WNT6: variants seen among roughly 807,000 people sequenced by gnomAD.
The protein encoded by WNT6 is Wnt family member 6.
In WNT6, 27 loss-of-function variants were observed where a neutral mutation model predicts 33.1. The ratio of observed to expected loss-of-function variants is 0.82; its 90% CI spans 0.60 to 1.12. The LOEUF (loss-of-function observed/expected upper bound fraction) is 1.12. Ranked by LOEUF, WNT6 falls within the 50% of genes most tolerant of loss-of-function variation. The pLI is 0.00. For missense variants in WNT6, 494 were observed against 535.3 expected (o/e 0.92, Z 0.76); for synonymous variants, 249 against 242.8 (o/e 1.03, Z -0.24).
chr2:218,871,038 G>A lies in WNT6; in HGVS notation c.92G>A (p.Ser31Asn). 1 of 1,608,950 alleles carries A rather than the reference G, an allele frequency of 6.2e-7. No homozygotes were observed. The highest frequency in any genetic ancestry group is 8.5e-7 in the Non-Finnish European group (1 of 1,176,388). ...HVGGLWWAVG[S>N]PLVMDPTSIC... ...TCTCTGCTTTCCAGGGCTGTGGGCAGCCCCTTGGTTATGGACCCTACCAGC... is the reference window on the plus strand; with the variant it reads ...TCTCTGCTTTCCAGGGCTGTGGGCAACCCCTTGGTTATGGACCCTACCAGC... The change falls in exon 2 of 4, where the codon AGC (serine) becomes AAC (asparagine). Residue 31 changes from serine (S) to asparagine (N), a missense_variant. Physicochemically the swap from Ser to Asn is conservative, Grantham distance 46. Coordinates refer to ENST00000233948, the MANE Select transcript of WNT6 (RefSeq NM_006522.4). The surrounding 1 kb of genome is among the most constrained non-coding windows in gnomAD (Gnocchi z 6.4).
intron 1 of WNT6, among the ~76,000 whole-genome samples, chr2:218,861,075 C>T (rs973518443): frequency 6.6e-6 from 1 of 152,220 alleles, no homozygotes; most frequent in Non-Finnish European, 1.5e-5. Context: ...AAGGCAGGGT[C>T]GTGTCTATTT....
At chr2:218,868,868 T>G (rs1944374929) in intron 1 of WNT6, among the ~76,000 whole-genome samples, 1 of 152,078 alleles carries the variant, frequency 6.6e-6, no homozygotes, top group Non-Finnish European at 1.5e-5. Flanking sequence ...AATAAGGCAG[T>G]CTTAATGCTC....
At chr2:218,862,515 T>C (rs1944318265) in intron 1 of WNT6, among the ~76,000 whole-genome samples, 1 of 151,772 alleles carries the variant, frequency 6.6e-6, no homozygotes, top group African/African-American at 2.4e-5. Context: ...CTGGCTAGTT[T>C]TTGAATTTTT....
Position 218,859,810 on chromosome 2 carries a change from C to T in WNT6, c.-228C>T, listed in dbSNP as rs1283937639. 6.7e-6 allele frequency: 1 copy of T among 149,646 alleles called. No homozygotes were observed. The highest frequency in any genetic ancestry group is 2.1e-4 in the East Asian group (1 of 4,768). 9.3% of individuals were successfully genotyped at this position (149,646 alleles called of 1,614,324 possible). A position where few individuals can be genotyped will look rare whatever the true frequency, so the allele number is the denominator to read the frequency against. The stretch of plus-strand genomic sequence containing the variant: ...TCCGCCCCCGGCTCTGATTTCTTCT[C>T]CCGAGCGAGCTCCGCAGGAGACACA... On this transcript the variant is annotated 5_prime_UTR_variant, in exon 1 of 4. Coordinates refer to ENST00000233948, the MANE Select transcript of WNT6 (RefSeq NM_006522.4).
intron 1 of WNT6, among the ~76,000 whole-genome samples, chr2:218,865,540 C>T (rs1324467749): frequency 6.6e-6 from 1 of 152,218 alleles, no homozygotes; most frequent in Non-Finnish European, 1.5e-5. Flanking sequence ...AGGTCACAGA[C>T]AGGCGGTGAG....
At chr2:218,860,426 G>C (rs1944297938) in intron 1 of WNT6, among the ~76,000 whole-genome samples, 1 of 152,214 alleles carries the variant, frequency 6.6e-6, no homozygotes, top group African/African-American at 2.4e-5. Flanking sequence ...AAAAGAATGT[G>C]TGAGGAGGGC....
intron 1 of WNT6, among the ~76,000 whole-genome samples, chr2:218,868,756 CAT>C (rs987413243): frequency 6.6e-6 from 1 of 152,140 alleles, no homozygotes; most frequent in African/African-American, 2.4e-5. Context: ...ACAGGTATTA[CAT>C]GTGACACAGA....
rs919028887 is a variant in WNT6, at chr2:218,873,243, C to A, written c.637-141C>A. 5.0e-6 allele frequency: 4 copies of A among 799,868 alleles called. No individual in the cohort carries two copies. In the African/African-American group the frequency reaches 5.3e-5, roughly 11 times the overall value. 49.5% of individuals were successfully genotyped at this position (799,868 alleles called of 1,614,324 possible). ...TTGTCCTTTCCTTGATTTCCTCCCC[C>A]TGAACTTGCGGTCTCCTTTTGTCTG... is the stretch of plus-strand genomic sequence containing the variant. On this transcript the variant is annotated intron_variant, in intron 3 of 3. Transcript: ENST00000233948. This position sits in a 1 kb window ranked among gnomAD's most constrained non-coding sequence, Gnocchi z 6.1.
rs1348287647 is a variant in WNT6, at chr2:218,871,633, C to T, written c.450C>T (p.Gly150=). 6.8e-7 allele frequency: 1 copy of T among 1,468,230 alleles called. No homozygotes were observed. The highest frequency in any genetic ancestry group is 9.0e-7 in the Non-Finnish European group (1 of 1,115,260). 91.0% of individuals were successfully genotyped at this position (1,468,230 alleles called of 1,614,324 possible). The change falls in exon 3 of 4, where the codon GGC becomes GGT. Residue 150 remains glycine (G), a synonymous_variant. Transcript: ENST00000233948. The surrounding 1 kb of genome is among the most constrained non-coding windows in gnomAD (Gnocchi z 6.4). ...CTCCCCGGCCCTCCGGCCTGCCCGG[C>T]ACCCCCGGACCCCCTGGCCCCGCGG... The part of the protein sequence containing the change: ...RAPPRPSGLP[G]TPGPPGPAGS...
intron 1 of WNT6, among the ~76,000 whole-genome samples, chr2:218,863,426 T>G (rs1258071598): frequency 6.6e-6 from 1 of 152,210 alleles, no homozygotes; most frequent in Non-Finnish European, 1.5e-5. Flanking sequence ...GACTCGACTG[T>G]CTTGGTCAGG....
chr2:218,874,054 C>A lies in WNT6; in HGVS notation c.*209C>A. The A allele has an allele frequency of 1.7e-6, 1 of 571,758 alleles. No individual in the cohort carries two copies. Among genetic ancestry groups the A allele is most frequent in the Non-Finnish European group, 2.9e-6 (1 of 344,332 alleles). 35.4% of individuals were successfully genotyped at this position (571,758 alleles called of 1,614,324 possible). ...AGGGCGCCAGACGGCCCCGAAAAGG[C>A]GCTCGGGGAGCGTTTAAAGGACACT... On this transcript the variant is annotated 3_prime_UTR_variant, in exon 4 of 4. Coordinates refer to ENST00000233948, the MANE Select transcript of WNT6 (RefSeq NM_006522.4).
At chr2:218,872,665 A>G (rs928949083) in intron 3 of WNT6, among the ~76,000 whole-genome samples, 2 of 152,146 alleles carry the variant, frequency 1.3e-5, no homozygotes, top group Non-Finnish European at 2.9e-5. Flanking sequence ...CTTCTGAACC[A>G]TCAGCGCTTG....
chr2:218,873,249 T>A lies in WNT6; in HGVS notation c.637-135T>A. ...TTTCCTTGATTTCCTCCCCCTGAACTTGCGGTCTCCTTTTGTCTGCATTTT... is the reference window on the plus strand; with the variant it reads ...TTTCCTTGATTTCCTCCCCCTGAACATGCGGTCTCCTTTTGTCTGCATTTT... On this transcript the variant is annotated intron_variant, in intron 3 of 3. Coordinates refer to ENST00000233948, the MANE Select transcript of WNT6 (RefSeq NM_006522.4). This position sits in a 1 kb window ranked among gnomAD's most constrained non-coding sequence, Gnocchi z 6.1. 1 of 841,750 alleles carries A rather than the reference T, an allele frequency of 1.2e-6. No homozygotes were observed. The allele number at this position is 841,750 out of a possible 1,614,324, so 52.1% of individuals were successfully genotyped here.
At chr2:218,862,130 G>T (rs1361596738) in intron 1 of WNT6, among the ~76,000 whole-genome samples, 3 of 152,110 alleles carry the variant, frequency 2.0e-5, no homozygotes, top group Non-Finnish European at 4.4e-5. Flanking sequence ...AGAAGGGAGT[G>T]GGGGAGGAGG....
chr2:218,861,176 G>A (rs1192758513), intron 1 of WNT6, among the ~76,000 whole-genome samples: 1 of 152,300 alleles, frequency 6.6e-6, no homozygotes, highest in East Asian at 1.9e-4. Context: ...GTGCTCTGGA[G>A]AGATAGGGAG....
intron 1 of WNT6, among the ~76,000 whole-genome samples, chr2:218,864,104 T>G (rs1451958024): frequency 6.6e-6 from 1 of 152,168 alleles, no homozygotes; most frequent in African/African-American, 2.4e-5. Flanking sequence ...TGCTCCTTGC[T>G]CCGGCCTTGC....
rs1449775067 is a variant in WNT6 at position 218,871,262 on chromosome 2, G to A, written c.301+15G>A. On this transcript the variant is annotated intron_variant, in intron 2 of 3. Transcript: ENST00000233948. The surrounding 1 kb of genome is among the most constrained non-coding windows in gnomAD (Gnocchi z 6.4). ...CCTGCAACAGGGTCAGTGTGGGGAG[G>A]GGGCGGAAGTGGGGCTGCTTTCTCC... The A allele has an allele frequency of 6.9e-6, 11 of 1,595,684 alleles. No individual in the cohort carries two copies. The highest frequency in any genetic ancestry group is 9.4e-6 in the Non-Finnish European group (11 of 1,167,766).
Position 218,871,863 on chromosome 2 carries a change from T to C in WNT6, c.636+44T>C, listed in dbSNP as rs557162540. 2 of 1,496,318 alleles carry C rather than the reference T, an allele frequency of 1.3e-6. No homozygotes were observed. Among genetic ancestry groups the C allele is most frequent in the East Asian group, 2.8e-5 (1 of 35,842 alleles). The allele number at this position is 1,496,318 out of a possible 1,614,324, so 92.7% of individuals were successfully genotyped here. On this transcript the variant is annotated intron_variant, in intron 3 of 3. Transcript: ENST00000233948. The surrounding 1 kb of genome is among the most constrained non-coding windows in gnomAD (Gnocchi z 6.4). The stretch of plus-strand genomic sequence containing the variant: ...GAGTGAGTGTGTGCGGAAATGTGAG[T>C]GTGCGCGCAGGAGTGTGCTTGAGGA...
chr2:218,868,012 C>A (rs1228086096), intron 1 of WNT6, among the ~76,000 whole-genome samples: 1 of 152,036 alleles, frequency 6.6e-6, no homozygotes, highest in African/African-American at 2.4e-5. Context: ...CCTGCCACGC[C>A]CCTTCTGGAG....
Sources: allele counts gnomAD v4.1 joint callset (sites outside exome capture counted in the v4.1 genomes callset), GRCh38; gene constraint gnomAD v4.1.1; non-coding constraint Gnocchi (gnomAD v3.1); transcripts MANE v1.5; gene names NCBI Gene and HGNC (gene_info 2026-07-23, HGNC 2026-07-21).